ADAMTS2: variants seen among roughly 807,000 people sequenced by gnomAD.
ADAMTS2 encodes A disintegrin and metalloproteinase with thrombospondin motifs 2.
Under a neutral mutation model 123.0 loss-of-function variants are expected in ADAMTS2, and 50 were observed. The ratio of observed to expected loss-of-function variants is 0.41; its 90% confidence interval spans 0.32 to 0.51. ADAMTS2 has a LOEUF of 0.51. Among genes scored for constraint, ADAMTS2 ranks in the 20% least tolerant of loss-of-function variants. The pLI, the probability that ADAMTS2 is intolerant of heterozygous loss-of-function variation, is 0.35. For synonymous variants in ADAMTS2, 678 were observed against 695.4 expected (o/e 0.98, Z 0.39); for missense variants, 1,494 against 1,705.2 (o/e 0.88, Z 2.18).
At chr5:179,233,942 C>CA (rs1203956832) in intron 3 of ADAMTS2, among the ~76,000 whole-genome samples, 1 of 152,072 alleles carries the variant, frequency 6.6e-6, no homozygotes, top group Non-Finnish European at 1.5e-5. Context: ...CTCTCCCTCA[C>CA]AGAGTGTGGG....
At chr5:179,203,440 C>G (rs1764610731) in intron 4 of ADAMTS2, among the ~76,000 whole-genome samples, 1 of 152,230 alleles carries the variant, frequency 6.6e-6, no homozygotes, top group South Asian at 2.1e-4. Context: ...TTCGCTCCAG[C>G]CACGGGGAGC....
rs764070459 is a variant in ADAMTS2 at position 179,154,164 on chromosome 5, T to C, written c.1267A>G (p.Asn423Asp). ...AGCCGCACCTCGTCGCCACAGCGGT[T>C]GCCCTGCCCGTCGTGCTCCATGCCC... ...VLGMEHDGQG[N>D]RCGDEVRLGS... is the part of the protein sequence containing the mutation. The change falls in exon 8 of 22, where the codon AAC (asparagine) becomes GAC (aspartate). Residue 423 changes from asparagine to aspartate, a missense_variant. By Grantham distance (23) the Asn-to-Asp change is conservative. Coordinates refer to ENST00000251582, the MANE Select transcript of ADAMTS2 (RefSeq NM_014244.5). The C allele has an allele frequency of 6.4e-7, 1 of 1,569,224 alleles. No individual in the cohort carries two copies. The highest frequency in any genetic ancestry group is 1.3e-5 in the African/African-American group (1 of 74,362).
At chr5:179,146,186 A>G (rs1211857915) in intron 10 of ADAMTS2, among the ~76,000 whole-genome samples, 1 of 152,176 alleles carries the variant, frequency 6.6e-6, no homozygotes, top group Admixed American at 6.5e-5. Context: ...TTAAATATAG[A>G]TCTCACCTTA....
rs1181690769 is a variant in ADAMTS2 at position 179,260,683 on chromosome 5, G to T, written c.688+12228C>A. Among the ~76,000 whole-genome samples the T allele has an allele frequency of 1.3e-5, 2 of 152,206 alleles. No individual in the cohort carries two copies. Among genetic ancestry groups the T allele is most frequent in the Non-Finnish European group, 2.9e-5 (2 of 68,044 alleles). ...CAGCTTACTATCTGTGCGACCGTCG[G>T]CACCTCAGTTTCCTCATCTGTAACG... is the stretch of plus-strand genomic sequence containing the variant. On this transcript the variant is annotated intron_variant, in intron 3 of 21. Transcript: ENST00000251582. This position sits in a 1 kb window ranked among gnomAD's most constrained non-coding sequence, Gnocchi z 4.2.
At chr5:179,159,793 G>T (rs140998136) in intron 5 of ADAMTS2, among the ~76,000 whole-genome samples, 1 of 152,124 alleles carries the variant, frequency 6.6e-6, no homozygotes. Flanking sequence ...AATTGAGATC[G>T]GATCCCAAGA....
chr5:179,300,782 T>A (rs1004547207), intron 2 of ADAMTS2, among the ~76,000 whole-genome samples: 1 of 152,218 alleles, frequency 6.6e-6, no homozygotes, highest in Admixed American at 6.5e-5. Flanking sequence ...ACGATGATAT[T>A]ATTTTATTTA....
chr5:179,142,019 G>A (rs1450654555), intron 10 of ADAMTS2, among the ~76,000 whole-genome samples: 1 of 152,150 alleles, frequency 6.6e-6, no homozygotes, highest in African/African-American at 2.4e-5. Flanking sequence ...GTCACTCTGG[G>A]AGAAGCAGGC....
At chr5:179,138,203 A>T (rs1763099318) in intron 11 of ADAMTS2, among the ~76,000 whole-genome samples, 1 of 152,110 alleles carries the variant, frequency 6.6e-6, no homozygotes, top group Non-Finnish European at 1.5e-5. Context: ...TCCTGTGGGG[A>T]GGCAGCATCT....
intron 2 of ADAMTS2, among the ~76,000 whole-genome samples, chr5:179,329,954 G>A (rs972283666): frequency 2.6e-5 from 4 of 151,488 alleles, no homozygotes; most frequent in Non-Finnish European, 4.4e-5. Context: ...GTGAAACCCC[G>A]TCTCTACTAA....
At position 179,308,159 on chromosome 5, in the gene ADAMTS2, G is replaced by A. The variant is rs1022528920; in HGVS notation, c.535-35095C>T. Among the ~76,000 whole-genome samples, 12 of 152,206 alleles carry A rather than the reference G, an allele frequency of 7.9e-5. No individual in the cohort carries two copies. Among genetic ancestry groups the A allele is most frequent in the Non-Finnish European group, 1.6e-4 (11 of 68,040 alleles). The stretch of plus-strand genomic sequence containing the variant: ...GAGCGACAACAAGGAGAAAACAGGG[G>A]TTTAAGTGGAGGATCCGGTGCTCTG... On this transcript the variant is annotated intron_variant, in intron 2 of 21. Coordinates refer to ENST00000251582, the MANE Select transcript of ADAMTS2 (RefSeq NM_014244.5). This position sits in a 1 kb window ranked among gnomAD's most constrained non-coding sequence, Gnocchi z 6.6.
chr5:179,237,868 G>A (rs1392708184), intron 3 of ADAMTS2, among the ~76,000 whole-genome samples: 3 of 152,162 alleles, frequency 2.0e-5, no homozygotes. Flanking sequence ...CTTGAGAAAG[G>A]AAGAGCAAAC....
In ADAMTS2 at chr5:179,117,060, C is replaced by A. The variant is rs1482657742; in HGVS notation, c.3179-2736G>T. 6.6e-6 allele frequency among the ~76,000 whole-genome samples: 1 copy of A among 152,142 alleles called. No individual in the cohort carries two copies. The highest frequency in any genetic ancestry group is 6.5e-5 in the Admixed American group (1 of 15,272). On this transcript the variant is annotated intron_variant, in intron 21 of 21. Transcript: ENST00000251582. This position sits in a 1 kb window ranked among gnomAD's most constrained non-coding sequence, Gnocchi z 4.2. Reference sequence around the variant, plus strand: ...CAGATAAAAATCTTACACAGGTGCCCAATATATGAAACAGATAGACTCAGA... The same window carrying A: ...CAGATAAAAATCTTACACAGGTGCCAAATATATGAAACAGATAGACTCAGA...
intron 2 of ADAMTS2, among the ~76,000 whole-genome samples, chr5:179,331,839 C>T (rs1168446765): frequency 6.6e-6 from 1 of 152,174 alleles, no homozygotes; most frequent in African/African-American, 2.4e-5. Flanking sequence ...CATGTGGTTT[C>T]CCTCACACCA....
intron 2 of ADAMTS2, among the ~76,000 whole-genome samples, chr5:179,321,089 GA>G (rs1192477648): frequency 6.6e-6 from 1 of 151,084 alleles, no homozygotes; most frequent in African/African-American, 2.4e-5. Context: ...TCTTTTTTCT[GA>G]AGCCACTTTT....
intron 2 of ADAMTS2, among the ~76,000 whole-genome samples, chr5:179,335,617 C>T (rs537204048): frequency 7.2e-5 from 11 of 152,290 alleles, no homozygotes; most frequent in African/African-American, 2.2e-4. Context: ...AACTGACTGG[C>T]GATGGTGTAC....
At chr5:179,245,796 C>CAAAA (rs796076369) in intron 3 of ADAMTS2, among the ~76,000 whole-genome samples, 1,538 of 73,540 alleles carry the variant, frequency 0.021, 136 homozygotes, top group Non-Finnish European at 0.03. Flanking sequence ...AAAAAAAAAA[C>CAAAA]AAAAAAAACA....
chr5:179,223,983 T>C (rs980784484), intron 3 of ADAMTS2, among the ~76,000 whole-genome samples: 3 of 152,228 alleles, frequency 2.0e-5, no homozygotes, highest in Admixed American at 2.0e-4. Context: ...AAAACGCCTA[T>C]TGGATAAATG....
At position 179,129,824 on chromosome 5, in the gene ADAMTS2, C is replaced by T. The variant is rs755127431; in HGVS notation, c.2457+108G>A. 35 of 1,473,832 alleles carry T rather than the reference C, an allele frequency of 2.4e-5. No homozygotes were observed. The highest frequency in any genetic ancestry group is 2.9e-5 in the Non-Finnish European group (31 of 1,080,142). 91.3% of individuals were successfully genotyped at this position (1,473,832 alleles called of 1,614,324 possible). A position where few individuals can be genotyped will look rare whatever the true frequency, so the allele number is the denominator to read the frequency against. On this transcript the variant is annotated intron_variant, in intron 16 of 21. Coordinates refer to ENST00000251582, the MANE Select transcript of ADAMTS2 (RefSeq NM_014244.5). This position sits in a 1 kb window ranked among gnomAD's most constrained non-coding sequence, Gnocchi z 4.1. ...TGCCAAAGGCAGGCCAAAGGGGCCA[C>T]GCAGAGTGTCACCTGAAGGGTCAGG...
chr5:179,223,145 G>A (rs373903573), intron 3 of ADAMTS2, among the ~76,000 whole-genome samples: 14 of 152,326 alleles, frequency 9.2e-5, no homozygotes, highest in East Asian at 3.9e-4. Flanking sequence ...CCAGCCTTGC[G>A]TGGCACCACC....
Sources: allele counts gnomAD v4.1 joint callset (sites outside exome capture counted in the v4.1 genomes callset), GRCh38; gene constraint gnomAD v4.1.1; non-coding constraint Gnocchi (gnomAD v3.1); transcripts MANE v1.5; gene names NCBI Gene and HGNC (gene_info 2026-07-23, HGNC 2026-07-21).